The following CSGALNACT1 variants were observed in gnomAD, a reference collection of about 807,000 sequenced individuals.
CSGALNACT1 encodes the protein chondroitin sulfate N-acetylgalactosaminyltransferase 1, also known as beta4GalNAcT-1.
Under a neutral mutation model 51.0 loss-of-function variants are expected in CSGALNACT1, and 52 were observed. That is an observed-to-expected ratio of 1.02 (90% CI 0.82 to 1.29). The LOEUF (loss-of-function observed/expected upper bound fraction) is 1.29. CSGALNACT1 is among the 50% of genes most tolerant of loss of function. The pLI is 0.00. For synonymous variants in CSGALNACT1, 341 were observed against 254.4 expected (o/e 1.34, Z -3.24); for missense variants, 935 against 679.2 (o/e 1.38, Z -4.19).
chr8:19,408,851 GCAGA>G (rs2054931980), intron 8 of CSGALNACT1, among the ~76,000 whole-genome samples, 157 bp from the exon 8 acceptor site: 1 of 151,864 alleles, frequency 6.6e-6, no homozygotes. Flanking sequence ...TTGAGTCCTT[GCAGA>G]CAGTCAGGAA....
chr8:19,734,505 G>A (rs968912910), intron 1 of CSGALNACT1, among the ~76,000 whole-genome samples: 1 of 152,140 alleles, frequency 6.6e-6, no homozygotes, highest in East Asian at 1.9e-4. Flanking sequence ...ACATTGCTGG[G>A]CTGAGCTCTC....
chr8:19,734,469 T>C (rs1418412373), intron 1 of CSGALNACT1, among the ~76,000 whole-genome samples: 4 of 152,190 alleles, frequency 2.6e-5, no homozygotes, highest in African/African-American at 9.7e-5. Flanking sequence ...ATACTTCCTT[T>C]CTCTGTCCAT....
At chr8:19,626,361 A>G (rs1264165252) in intron 1 of CSGALNACT1, among the ~76,000 whole-genome samples, 1 of 152,206 alleles carries the variant, frequency 6.6e-6, no homozygotes, top group Non-Finnish European at 1.5e-5. Flanking sequence ...TGTCGGAACA[A>G]CTGGCTATCC....
chr8:19,444,607 A>G (rs144803236), intron 5 of CSGALNACT1, among the ~76,000 whole-genome samples: 6 of 152,312 alleles, frequency 3.9e-5, no homozygotes, highest in Non-Finnish European at 7.3e-5. Context: ...CCACATCATA[A>G]TTTCTAAAGA....
At chr8:19,438,296 T>C (rs902255737) in intron 6 of CSGALNACT1, among the ~76,000 whole-genome samples, 1 of 152,134 alleles carries the variant, frequency 6.6e-6, no homozygotes, top group African/African-American at 2.4e-5. Context: ...TTTAGAATCA[T>C]CCGGGAAACT....
chr8:19,661,517 G>A (rs531735970), intron 1 of CSGALNACT1, among the ~76,000 whole-genome samples: 1 of 152,344 alleles, frequency 6.6e-6, no homozygotes, highest in African/African-American at 2.4e-5. Flanking sequence ...CTGGCCCATA[G>A]CTGCTCCAGG....
rs932405011 is a variant in CSGALNACT1, at chr8:19,751,113, G to C, written c.-297+6737C>G. ...CAATGTTTGCATGTCAGAACTCAAA[G>C]ACCTTTTCCAGGCTGCCAATTCAAT... On this transcript the variant is annotated intron_variant, in intron 1 of 1. Coordinates refer to the CSGALNACT1 transcript ENST00000517494. Among the ~76,000 whole-genome samples, 3 of 152,110 alleles carry C rather than the reference G, an allele frequency of 2.0e-5. No individual in the cohort carries two copies. The East Asian group carries it at 5.8e-4, about 29-fold the overall frequency.
At chr8:19,473,552 C>A (rs1275827420) in intron 4 of CSGALNACT1, among the ~76,000 whole-genome samples, 3 of 152,202 alleles carry the variant, frequency 2.0e-5, no homozygotes, top group Non-Finnish European at 4.4e-5. Flanking sequence ...TCACCACTGA[C>A]TTTCTACCAC....
chr8:19,531,428 C>G (rs2082742042), intron 3 of CSGALNACT1, among the ~76,000 whole-genome samples: 1 of 152,184 alleles, frequency 6.6e-6, no homozygotes, highest in Non-Finnish European at 1.5e-5. Flanking sequence ...CAGCTCAGTC[C>G]TAGCTGGAGC....
At position 19,409,815 on chromosome 8, in the gene CSGALNACT1, C is replaced by A. The variant is rs547686716; in HGVS notation, c.1228-1121G>T. Among the ~76,000 whole-genome samples the A allele has an allele frequency of 3.9e-4, 60 of 152,106 alleles. 1 individual carries two copies. Among genetic ancestry groups the A allele is most frequent in the Admixed American group, 7.9e-4 (12 of 15,270 alleles). The stretch of plus-strand genomic sequence containing the variant: ...CATCAGAGTCTTGGCCCAATGTGAC[C>A]ACTGGCTGGCTTTTTCACTTCAGGC... On this transcript the variant is annotated intron_variant, in intron 8 of 9. Coordinates refer to ENST00000454498, the Ensembl canonical transcript of CSGALNACT1.
chr8:19,695,821 T>C (rs763588695), intron 1 of CSGALNACT1, among the ~76,000 whole-genome samples: 12 of 152,102 alleles, frequency 7.9e-5, no homozygotes, highest in Non-Finnish European at 1.3e-4. Context: ...GCGCAGGAGA[T>C]TTTGTAATAT....
chr8:19,576,023 T>C (rs2044123243), intron 3 of CSGALNACT1, among the ~76,000 whole-genome samples: 1 of 152,108 alleles, frequency 6.6e-6, no homozygotes, highest in Non-Finnish European at 1.5e-5. Context: ...GTCTAATGGC[T>C]CAGACAGGAA....
At chr8:19,552,233 G>C (rs879916378) in intron 3 of CSGALNACT1, among the ~76,000 whole-genome samples, 3 of 152,144 alleles carry the variant, frequency 2.0e-5, no homozygotes, top group Non-Finnish European at 2.9e-5. Context: ...AAGATGGTTG[G>C]CCTAATTTCT....
Position 19,757,637 on chromosome 8 carries a change from G to C in CSGALNACT1, c.-297+213C>G, listed in dbSNP as rs2065480456. 6.6e-6 allele frequency among the ~76,000 whole-genome samples: 1 copy of C among 152,174 alleles called. No homozygotes were observed. The highest frequency in any genetic ancestry group is 2.4e-5 in the African/African-American group (1 of 41,452). On this transcript the variant is annotated intron_variant, in intron 1 of 1. Coordinates refer to the CSGALNACT1 transcript ENST00000517494. This position sits in a 1 kb window ranked among gnomAD's most constrained non-coding sequence, Gnocchi z 4.0. The stretch of plus-strand genomic sequence containing the variant: ...GTGGCGTGGCCCGAGTTGCAGGAGA[G>C]AGGTGTCCAATCTCCATGGGGTCCT...
intron 1 of CSGALNACT1, among the ~76,000 whole-genome samples, chr8:19,673,346 C>A (rs953770354): frequency 6.6e-6 from 1 of 152,232 alleles, no homozygotes; most frequent in Non-Finnish European, 1.5e-5. Flanking sequence ...ACTCTAGGAA[C>A]AACGATTGTT....
At position 19,448,370 on chromosome 8, in the gene CSGALNACT1, G is replaced by C. The variant is rs2062509657; in HGVS notation, c.852-8439C>G. Among the ~76,000 whole-genome samples, 4 of 152,208 alleles carry C rather than the reference G, an allele frequency of 2.6e-5. No individual in the cohort carries two copies. In the South Asian group the frequency reaches 8.3e-4, roughly 32 times the overall value. On this transcript the variant is annotated intron_variant, in intron 5 of 9. Coordinates refer to ENST00000454498, the Ensembl canonical transcript of CSGALNACT1. ...CTTTGTAGTAGAACCAATCAACCAG[G>C]TTTTCCTGCGATTTTCCAGATTTTA...
intron 6 of CSGALNACT1, 97 bp downstream of exon 5, chr8:19,439,733 T>C: frequency 2.1e-6 from 2 of 935,920 alleles, no homozygotes; most frequent in Non-Finnish European, 3.4e-6. Context: ...ACCCACAGTG[T>C]AAAGGAAAAT....
At chr8:19,446,236 C>T (rs559179247) in intron 5 of CSGALNACT1, among the ~76,000 whole-genome samples, 123 of 152,240 alleles carry the variant, frequency 8.1e-4, no homozygotes, top group Non-Finnish European at 4.9e-4. Context: ...GTATTCGTTA[C>T]GTATTCAAAC....
At chr8:19,606,828 G>C (rs1016083846), upstream of CSGALNACT1, among the ~76,000 whole-genome samples, 5 of 152,168 alleles carry the variant, frequency 3.3e-5, no homozygotes, top group African/African-American at 9.6e-5. Flanking sequence ...TGCCTTAAAG[G>C]ATACCCAATA....
Sources: gnomAD v4.1 joint callset for allele counts (sites outside exome capture counted in the v4.1 genomes callset) on GRCh38, gnomAD v4.1.1 for gene constraint, Gnocchi (gnomAD v3.1) non-coding constraint, MANE v1.5 for transcripts, NCBI Gene and HGNC (gene_info 2026-07-23, HGNC 2026-07-21) for gene names.